The following DNAH9 variants were observed in gnomAD, a reference collection of about 807,000 sequenced individuals.
The protein encoded by DNAH9 is DNAH9 variant protein.
Under a neutral mutation model 471.6 loss-of-function variants are expected in DNAH9, and 345 were observed. The observed-to-expected ratio is 0.73, with a 90% confidence interval of 0.67 to 0.80. The LOEUF is 0.80. Among genes scored for constraint, DNAH9 ranks in the 30% least tolerant of loss-of-function variants. The pLI, the probability that DNAH9 is intolerant of heterozygous loss-of-function variation, is 0.00. For missense variants in DNAH9, 5,407 were observed against 5,609.2 expected, an observed-to-expected ratio of 0.96 and a Z score of 1.15; for synonymous variants, 2,093 against 2,123.6, an observed-to-expected ratio of 0.99 and a Z score of 0.40.
chr17:11,684,277 T>C (rs1451984796), intron 19 of DNAH9, among the ~76,000 whole-genome samples: 1 of 152,220 alleles, frequency 6.6e-6, no homozygotes, highest in African/African-American at 2.4e-5. Context: ...ATTAAGCCCT[T>C]GCAGTCTGAC....
At chr17:11,730,684 G>GT (rs1454600168) in intron 28 of DNAH9, among the ~76,000 whole-genome samples, 1 of 152,134 alleles carries the variant, frequency 6.6e-6, no homozygotes, top group African/African-American at 2.4e-5. Flanking sequence ...CTAAAGCACT[G>GT]TTTTTTAAAG....
chr17:11,608,448 T>A, intron 2 of DNAH9, 123 bp downstream of exon 2: 1 of 769,010 alleles, frequency 1.3e-6, no homozygotes, highest in South Asian at 1.8e-5. Context: ...CACACAAGCC[T>A]ACTGTCTGCT....
At chr17:11,909,851 A>G (rs974455575) in intron 61 of DNAH9, among the ~76,000 whole-genome samples, 1 of 152,196 alleles carries the variant, frequency 6.6e-6, no homozygotes, top group African/African-American at 2.4e-5. Flanking sequence ...CCATATGCTA[A>G]TTTTCAAAAC....
At position 11,875,067 on chromosome 17, in the gene DNAH9, C is replaced by A. The variant is rs769088996; in HGVS notation, c.10361C>A (p.Thr3454Asn). Residue 3454 changes from threonine to asparagine, a missense_variant, in exon 53 of 69, where the codon ACC becomes AAC. This residue lies in a region of DNAH9 where 4,636 missense variants were observed against 4,900.3 expected (regional missense o/e 0.95). Transcript: ENST00000262442. ...PADRMSVENATILINCERWPL... is the reference protein window; with the variant it reads ...PADRMSVENANILINCERWPL... ...GACCGCATGTCCGTGGAGAATGCCA[C>A]CATTCTCATCAACTGTGAGCGCTGG... 1.2e-6 allele frequency: 2 copies of A among 1,614,016 alleles called. No homozygotes were observed. Among genetic ancestry groups the A allele is most frequent in the Admixed American group, 1.7e-5 (1 of 60,004 alleles).
chr17:11,612,197 T>C, intron 4 of DNAH9: 1 of 401,896 alleles, frequency 2.5e-6, no homozygotes, highest in Non-Finnish European at 4.5e-6. Flanking sequence ...TTATGGAGCC[T>C]GTGTGACCAA....
intron 49 of DNAH9, among the ~76,000 whole-genome samples, chr17:11,848,198 A>G (rs1006484321): frequency 1.3e-5 from 2 of 152,316 alleles, no homozygotes; most frequent in Admixed American, 1.3e-4. Context: ...AGAAACCCTA[A>G]CAATTACAGT....
At chr17:11,765,551 C>T (rs560527502) in intron 36 of DNAH9, among the ~76,000 whole-genome samples, 43 of 152,332 alleles carry the variant, frequency 2.8e-4, no homozygotes, top group Admixed American at 1.0e-3. Flanking sequence ...AAGCAGCTCT[C>T]GCAGGCTCTC....
chr17:11,762,770 G>GGTTGTTTTTTTTTTT (rs1967746069), intron 35 of DNAH9, among the ~76,000 whole-genome samples: 1 of 90,744 alleles, frequency 1.1e-5, no homozygotes, highest in Non-Finnish European at 2.2e-5. Flanking sequence ...TTTTTTTTTT[G>GGTTGTTTTTTTTTTT]TTTTTTTTTT....
intron 26 of DNAH9, among the ~76,000 whole-genome samples, chr17:11,718,171 C>T (rs1597534834): frequency 6.6e-6 from 1 of 152,346 alleles, no homozygotes; most frequent in South Asian, 2.1e-4. Context: ...GCCACTACAC[C>T]CGGCCTGACA....
At chr17:11,920,645 A>AG (rs1362575337) in intron 61 of DNAH9, among the ~76,000 whole-genome samples, 3 of 151,512 alleles carry the variant, frequency 2.0e-5, no homozygotes, top group African/African-American at 7.3e-5. Context: ...AGAAAAGAAA[A>AG]AAGAAAGAAA....
At chr17:11,941,332 C>G (rs892760402) in intron 66 of DNAH9, among the ~76,000 whole-genome samples, 4 of 152,154 alleles carry the variant, frequency 2.6e-5, no homozygotes, top group African/African-American at 9.7e-5. Context: ...TCCCTCCCTC[C>G]TTCCCCTCTC....
At chr17:11,942,176 C>T in intron 66 of DNAH9, 127 bp from the exon 67 acceptor site, 2 of 1,313,700 alleles carry the variant, frequency 1.5e-6, no homozygotes, top group Non-Finnish European at 2.1e-6. Flanking sequence ...AGAGTTTGGC[C>T]ATGTCAGTGG....
chr17:11,734,546 G>A (rs574204588), intron 28 of DNAH9, among the ~76,000 whole-genome samples: 1 of 152,336 alleles, frequency 6.6e-6, no homozygotes, highest in South Asian at 2.1e-4. Flanking sequence ...CCCCAAGACT[G>A]AGGCCAGTTT....
chr17:11,849,444 G>A (rs886991076), intron 49 of DNAH9, among the ~76,000 whole-genome samples: 1 of 152,106 alleles, frequency 6.6e-6, no homozygotes, highest in African/African-American at 2.4e-5. Context: ...TCTTCCCATG[G>A]CCTCCGGAGC....
intron 22 of DNAH9, among the ~76,000 whole-genome samples, chr17:11,698,153 T>C (rs1202419040): frequency 8.8e-6 from 1 of 113,648 alleles, no homozygotes; most frequent in Non-Finnish European, 1.6e-5. Flanking sequence ...AGTATTATAT[T>C]ATTAATATAT....
chr17:11,763,094 G>A (rs1967782606), intron 35 of DNAH9, among the ~76,000 whole-genome samples: 1 of 152,036 alleles, frequency 6.6e-6, no homozygotes, highest in African/African-American at 2.4e-5. Context: ...AGTGTGAAAT[G>A]AGCGAAAAAG....
At chr17:11,869,643 T>C (rs889954879) in intron 51 of DNAH9, among the ~76,000 whole-genome samples, 1 of 152,230 alleles carries the variant, frequency 6.6e-6, no homozygotes, top group East Asian at 1.9e-4. Context: ...GGAACTGAGA[T>C]AGAAACAGAA....
At chr17:11,781,505 T>C (rs1036432820) in intron 39 of DNAH9, among the ~76,000 whole-genome samples, 1 of 152,212 alleles carries the variant, frequency 6.6e-6, no homozygotes, top group African/African-American at 2.4e-5. Context: ...CCCTGCACCA[T>C]GGCCCCACAG....
At chr17:11,636,506 A>T (rs2150679617) in intron 8 of DNAH9, 128 bp from the exon 9 acceptor site, 1 of 654,664 alleles carries the variant, frequency 1.5e-6, no homozygotes. Context: ...GTCCAGCTCC[A>T]CAATAACACT....
Sources: gnomAD v4.1 joint callset for allele counts (sites outside exome capture counted in the v4.1 genomes callset) on GRCh38, gnomAD v4.1.1 for gene constraint, gnomAD v4.1.1 regional missense constraint, MANE v1.5 for transcripts, NCBI Gene and HGNC (gene_info 2026-07-23, HGNC 2026-07-21) for gene names.